Variants in GPHN observed in about 807,000 individuals in gnomAD.
The protein encoded by GPHN is gephyrin.
In GPHN, 17 loss-of-function variants were observed where a neutral mutation model predicts 95.5. The ratio of observed to expected loss-of-function variants is 0.18; its 90% CI spans 0.12 to 0.27. GPHN has a LOEUF of 0.27. GPHN is among the 10% of genes least tolerant of loss of function. The pLI is 1.00. For synonymous variants in GPHN, 320 were observed against 322.5 expected (o/e 0.99, Z 0.08); for missense variants, 660 against 978.1 (o/e 0.67, Z 4.34).
chr14:67,552,770 A>AAC, the GPHN span, among the ~76,000 whole-genome samples: 1 of 151,032 alleles, frequency 6.6e-6, no homozygotes, highest in African/African-American at 2.4e-5. Flanking sequence ...CTGTCTCAAA[A>AAC]AAAAAAAACA....
chr14:66,692,019 A>G (rs1344265681), intron 2 of GPHN, among the ~76,000 whole-genome samples: 2 of 152,338 alleles, frequency 1.3e-5, no homozygotes, highest in Middle Eastern at 3.4e-3. Flanking sequence ...CTGAAATTCT[A>G]TGCAAAATAT....
At chr14:67,573,471 A>G in the GPHN span, 1 of 942,360 alleles carries the variant, frequency 1.1e-6, no homozygotes, top group South Asian at 1.5e-5. This position sits in a 1 kb window ranked among gnomAD's most constrained non-coding sequence, Gnocchi z 4.8. Flanking sequence ...AGGAGGGGGA[A>G]TGTGGCCCAA....
chr14:67,071,258 A>G (rs111328441), intron 11 of GPHN, among the ~76,000 whole-genome samples: 10,121 of 152,230 alleles, frequency 0.066, 357 homozygotes, highest in Middle Eastern at 0.085. Context: ...GATAGACTGG[A>G]TTAAGAAAAT....
chr14:66,613,436 T>C (rs2062868013), intron 1 of GPHN, among the ~76,000 whole-genome samples: 2 of 152,158 alleles, frequency 1.3e-5, no homozygotes, highest in Admixed American at 6.6e-5. Context: ...TTGAAAAACA[T>C]GGCAAAAAAT....
chr14:67,584,011 T>C, the GPHN span: 16 of 1,613,920 alleles, frequency 9.9e-6, no homozygotes, highest in African/African-American at 1.3e-5. Context: ...GGCAGATATG[T>C]TGACCACAAA....
At chr14:67,627,595 G>A in the GPHN span, among the ~76,000 whole-genome samples, 1 of 152,050 alleles carries the variant, frequency 6.6e-6, no homozygotes, top group Non-Finnish European at 1.5e-5. Flanking sequence ...AGACTGTAAG[G>A]CTGTATGATC....
At chr14:66,585,602 T>A (rs2061388651) in intron 1 of GPHN, among the ~76,000 whole-genome samples, 1 of 152,150 alleles carries the variant, frequency 6.6e-6, no homozygotes, top group Non-Finnish European at 1.5e-5. Flanking sequence ...TTGTTCTCGT[T>A]GGTTTCAAAG....
chr14:66,852,415 G>T (rs1020336071), intron 4 of GPHN, among the ~76,000 whole-genome samples: 11 of 152,228 alleles, frequency 7.2e-5, no homozygotes, highest in Admixed American at 4.6e-4. Context: ...GTGTTCACCT[G>T]TGCACACATT....
chr14:67,610,109 G>C, the GPHN span, among the ~76,000 whole-genome samples: 1 of 151,336 alleles, frequency 6.6e-6, no homozygotes, highest in African/African-American at 2.5e-5. Flanking sequence ...GGTTGCCAGC[G>C]GCGGGGCAGA....
chr14:67,642,168 T>C, the GPHN span: 1 of 1,611,378 alleles, frequency 6.2e-7, no homozygotes, highest in Non-Finnish European at 8.5e-7. Flanking sequence ...CATCTTGTCA[T>C]CCCTCATTTG....
chr14:67,695,164 C>G, the GPHN span, among the ~76,000 whole-genome samples: 1 of 152,146 alleles, frequency 6.6e-6, no homozygotes, highest in South Asian at 2.1e-4. Flanking sequence ...GTAACAGCAA[C>G]GAGAGAGCAA....
the GPHN span, among the ~76,000 whole-genome samples, chr14:67,538,656 T>C: frequency 6.6e-6 from 1 of 152,300 alleles, no homozygotes; most frequent in South Asian, 2.1e-4. Context: ...GCAGGCACCC[T>C]GCTCCTGATC....
chr14:67,585,724 G>T, the GPHN span: 1 of 1,242,436 alleles, frequency 8.0e-7, no homozygotes. Flanking sequence ...CTCCTCTGTG[G>T]ACTCAAAAGC....
At chr14:67,266,370 G>A in the GPHN span, among the ~76,000 whole-genome samples, 3 of 152,088 alleles carry the variant, frequency 2.0e-5, no homozygotes, top group Admixed American at 2.0e-4. Flanking sequence ...CTGTTGCCCA[G>A]TCTGAAGTGC....
chr14:67,020,319 G>C (rs1002332550), intron 9 of GPHN, among the ~76,000 whole-genome samples: 1 of 152,046 alleles, frequency 6.6e-6, no homozygotes, highest in Non-Finnish European at 1.5e-5. Flanking sequence ...GCTTTCAATT[G>C]TACCTCCCAT....
chr14:67,557,913 G>A, the GPHN span, among the ~76,000 whole-genome samples: 1 of 152,184 alleles, frequency 6.6e-6, no homozygotes, highest in Non-Finnish European at 1.5e-5. Flanking sequence ...GATCAGAGCT[G>A]CACAGAGCTG....
chr14:67,106,799 A>T (rs181384246), intron 13 of GPHN, among the ~76,000 whole-genome samples: 33 of 151,964 alleles, frequency 2.2e-4, no homozygotes, highest in Admixed American at 9.8e-4. Flanking sequence ...ATTATTTTGC[A>T]ATTTCTTTTC....
chr14:66,558,245 T>C (rs1255928708), intron 1 of GPHN, among the ~76,000 whole-genome samples: 2 of 152,120 alleles, frequency 1.3e-5, no homozygotes, highest in Non-Finnish European at 2.9e-5. Context: ...CCTGAGGAAC[T>C]ATAGCATCAT....
the GPHN span, chr14:67,302,308 G>A: frequency 9.2e-7 from 1 of 1,091,022 alleles, no homozygotes; most frequent in Non-Finnish European, 1.2e-6. Flanking sequence ...TAAGATAACT[G>A]AAGGTTAGTA....
Sources: gnomAD v4.1 joint callset for allele counts (sites outside exome capture counted in the v4.1 genomes callset) on GRCh38, gnomAD v4.1.1 for gene constraint, Gnocchi (gnomAD v3.1) non-coding constraint, MANE v1.5 for transcripts, NCBI Gene and HGNC (gene_info 2026-07-23, HGNC 2026-07-21) for gene names.